The following CCDC141 variants were observed in gnomAD, a reference collection of about 807,000 sequenced individuals.
CCDC141 encodes coiled-coil domain-containing protein 141.
In CCDC141, 168 loss-of-function variants were observed where a neutral mutation model predicts 181.0. The ratio of observed to expected loss-of-function variants is 0.93; its 90% CI spans 0.82 to 1.05. The LOEUF is 1.05. Among genes scored for constraint, CCDC141 ranks in the 50% least tolerant of loss-of-function variants. The pLI, the probability that CCDC141 is intolerant of heterozygous loss-of-function variation, is 0.00. For missense variants in CCDC141, 1,902 were observed against 1,788.5 expected (o/e 1.06, Z -1.14); for synonymous variants, 666 against 642.3 (o/e 1.04, Z -0.56).
chr2:178,979,162 T>A (rs1217875351), intron 2 of CCDC141, among the ~76,000 whole-genome samples: 2 of 152,178 alleles, frequency 1.3e-5, no homozygotes. Context: ...AGTCATAATT[T>A]AAAAATTAAG....
intron 3 of CCDC141, among the ~76,000 whole-genome samples, chr2:178,975,683 A>G (rs1251272027): frequency 6.6e-6 from 1 of 152,176 alleles, no homozygotes; most frequent in Non-Finnish European, 1.5e-5. Flanking sequence ...GCAGTGAAAT[A>G]TGCAAGTTTC....
At position 179,047,447 on chromosome 2, in the gene CCDC141, T is replaced by C. The variant is rs148844612; in HGVS notation, c.103-41A>G. ...AAATAAAATGCACTTTTAGTTCCTCTTGTTCCTTCCTCTTCACCCTTCTCA... is the reference window on the plus strand; with the variant it reads ...AAATAAAATGCACTTTTAGTTCCTCCTGTTCCTTCCTCTTCACCCTTCTCA... On this transcript the variant is annotated intron_variant, in intron 1 of 23. Coordinates refer to ENST00000443758, the MANE Select transcript of CCDC141 (RefSeq NM_173648.4). 3.5e-6 allele frequency: 5 copies of C among 1,445,730 alleles called. No homozygotes were observed. The African/African-American group carries it at 7.2e-5, about 21-fold the overall frequency. The allele number at this position is 1,445,730 out of a possible 1,614,324, so 89.6% of individuals were successfully genotyped here.
At chr2:178,930,871 G>T (rs1188778972) in intron 6 of CCDC141, among the ~76,000 whole-genome samples, 1 of 151,940 alleles carries the variant, frequency 6.6e-6, no homozygotes, top group East Asian at 1.9e-4. Context: ...AAACATAAGG[G>T]ATAAATTTTC....
intron 7 of CCDC141, among the ~76,000 whole-genome samples, chr2:178,911,818 C>T (rs1003664462): frequency 6.6e-6 from 1 of 152,176 alleles, no homozygotes; most frequent in African/African-American, 2.4e-5. Flanking sequence ...ACAAAACAAG[C>T]AATTAGTGCT....
chr2:178,996,202 G>A (rs7603008), intron 2 of CCDC141, among the ~76,000 whole-genome samples: 7,925 of 151,396 alleles, frequency 0.052, 274 homozygotes, highest in South Asian at 0.083. Flanking sequence ...CTCAGCCTTT[G>A]GAGTAGCTGG....
intron 7 of CCDC141, among the ~76,000 whole-genome samples, chr2:178,917,233 T>G (rs934501399): frequency 6.6e-6 from 1 of 152,204 alleles, no homozygotes; most frequent in Non-Finnish European, 1.5e-5. Context: ...AAAAGTCTCT[T>G]ATTCAAAAAC....
intron 2 of CCDC141, among the ~76,000 whole-genome samples, chr2:179,025,946 T>C (rs1238896905): frequency 6.6e-6 from 1 of 152,168 alleles, no homozygotes; most frequent in African/African-American, 2.4e-5. Context: ...TTAAGAGAGA[T>C]GATTTAGGGT....
intron 2 of CCDC141, among the ~76,000 whole-genome samples, chr2:179,019,856 T>G (rs1250514788): frequency 6.6e-6 from 1 of 152,084 alleles, no homozygotes; most frequent in Non-Finnish European, 1.5e-5. Context: ...AGCCTCAACC[T>G]CCTGGGCTCA....
intron 2 of CCDC141, among the ~76,000 whole-genome samples, chr2:178,994,012 C>T (rs1692173211): frequency 6.6e-6 from 1 of 152,196 alleles, no homozygotes; most frequent in Admixed American, 6.5e-5. Flanking sequence ...AGGGTACAAC[C>T]TCCCTCCTGG....
chr2:178,885,054 C>T lies in CCDC141; in HGVS notation c.1566G>A (p.Met522Ile). 6.5e-7 allele frequency: 1 copy of T among 1,550,270 alleles called. No homozygotes were observed. Among genetic ancestry groups the T allele is most frequent in the Non-Finnish European group, 8.7e-7 (1 of 1,146,744 alleles). The change falls in exon 11 of 24, where the codon ATG (methionine) becomes ATA (isoleucine). Residue 522 changes from methionine to isoleucine, a missense_variant. Physicochemically the swap from Met to Ile is conservative, Grantham distance 10. Coordinates refer to ENST00000443758, the MANE Select transcript of CCDC141 (RefSeq NM_173648.4). ...CAGATACAAATTCATTTTTCTCCAT[C>T]ATGGTTTTTGCAGCTGCTTCTAATT... is the stretch of plus-strand genomic sequence containing the variant. ...SHELEAAAKT[M>I]MEKNEFVSDE... is the part of the protein sequence containing the mutation.
intron 10 of CCDC141, among the ~76,000 whole-genome samples, chr2:178,885,662 C>A (rs1195978267): frequency 6.6e-6 from 1 of 152,078 alleles, no homozygotes; most frequent in Non-Finnish European, 1.5e-5. Context: ...ATGTTTTCTT[C>A]TGAGTGTAAT....
intron 2 of CCDC141, among the ~76,000 whole-genome samples, chr2:179,009,934 A>G (rs185033693): frequency 6.6e-6 from 1 of 152,272 alleles, no homozygotes; most frequent in African/African-American, 2.4e-5. Flanking sequence ...TATTAAAGGA[A>G]ATAGATAGCT....
In CCDC141 at chr2:178,869,102, C is replaced by A. The variant is rs773581034; in HGVS notation, c.2394+15G>T. The A allele has an allele frequency of 6.8e-7, 1 of 1,467,804 alleles. No homozygotes were observed. The highest frequency in any genetic ancestry group is 9.0e-7 in the Non-Finnish European group (1 of 1,110,082). The allele number at this position is 1,467,804 out of a possible 1,614,324, so 90.9% of individuals were successfully genotyped here. A position where few individuals can be genotyped will look rare whatever the true frequency, so the allele number is the denominator to read the frequency against. On this transcript the variant is annotated intron_variant, in intron 15 of 23. Coordinates refer to ENST00000443758, the MANE Select transcript of CCDC141 (RefSeq NM_173648.4). ...TAAAACTCAGGATTTTTCAGACATC[C>A]CTTCTAAGCCTTACCTCTTCCTTGA...
chr2:178,912,829 G>A (rs555021882), intron 7 of CCDC141, among the ~76,000 whole-genome samples: 1 of 152,132 alleles, frequency 6.6e-6, no homozygotes, highest in Non-Finnish European at 1.5e-5. Flanking sequence ...CTGGCGAATT[G>A]AATTATCTTA....
intron 17 of CCDC141, among the ~76,000 whole-genome samples, chr2:178,857,380 T>C (rs1398893814): frequency 2.6e-5 from 4 of 152,220 alleles, no homozygotes; most frequent in Admixed American, 1.3e-4. Flanking sequence ...AAAAGAGTTT[T>C]ACCCCTTAGA....
chr2:178,982,694 A>G, intron 2 of CCDC141, among the ~76,000 whole-genome samples: 1 of 152,152 alleles, frequency 6.6e-6, no homozygotes, highest in Non-Finnish European at 1.5e-5. Context: ...TAATCAAAGA[A>G]AGGGGTGACA....
chr2:178,838,599 A>G lies in CCDC141; in HGVS notation c.3475-855T>C, dbSNP rs570723143. ...ACTGCTATACACTAGGAACCATGCT[A>G]GTATTAGAGGCATAATTTGGTGAAT... On this transcript the variant is annotated intron_variant, in intron 22 of 23. Coordinates refer to ENST00000443758, the MANE Select transcript of CCDC141 (RefSeq NM_173648.4). Among the ~76,000 whole-genome samples the G allele has an allele frequency of 1.3e-5, 2 of 152,358 alleles. 1 individual carries two copies. Among genetic ancestry groups the G allele is most frequent in the African/African-American group, 4.8e-5 (2 of 41,590 alleles).
intron 8 of CCDC141, among the ~76,000 whole-genome samples, chr2:178,896,864 T>C (rs139670507): frequency 6.6e-6 from 1 of 152,174 alleles, no homozygotes; most frequent in Non-Finnish European, 1.5e-5. Flanking sequence ...AATTAATTTA[T>C]GTCTAGAGCA....
chr2:178,969,488 G>A (rs1267327147), intron 4 of CCDC141, among the ~76,000 whole-genome samples: 6 of 151,786 alleles, frequency 4.0e-5, no homozygotes, highest in African/African-American at 1.5e-4. Context: ...ATCAATAAAC[G>A]TAATCCATCA....
Sources: allele counts gnomAD v4.1 joint callset (sites outside exome capture counted in the v4.1 genomes callset), GRCh38; gene constraint gnomAD v4.1.1; transcripts MANE v1.5; gene names NCBI Gene and HGNC (gene_info 2026-07-23, HGNC 2026-07-21).